ZMAT4: variants seen among roughly 807,000 people sequenced by gnomAD.
The protein encoded by ZMAT4 is zinc finger matrin-type protein 4.
Under a neutral mutation model 28.7 loss-of-function variants are expected in ZMAT4, and 17 were observed. The ratio of observed to expected loss-of-function variants is 0.59; its 90% CI spans 0.41 to 0.89. The LOEUF (loss-of-function observed/expected upper bound fraction) is 0.89. Among genes scored for constraint, ZMAT4 ranks in the 40% least tolerant of loss-of-function variants. The pLI, the probability that ZMAT4 is intolerant of heterozygous loss-of-function variation, is 0.00. For synonymous variants in ZMAT4, 117 were observed against 109.2 expected (o/e 1.07, Z -0.44); for missense variants, 240 against 283.8 (o/e 0.85, Z 1.11).
chr8:40,884,772 G>A (rs1158292371), intron 1 of ZMAT4: 7 of 152,216 alleles, frequency 4.6e-5, no homozygotes, highest in Non-Finnish European at 1.0e-4. Flanking sequence ...TGGATCCAAG[G>A]TCAGCAAACC....
At chr8:40,704,319 T>A (rs550381179) in intron 3 of ZMAT4, among the ~76,000 whole-genome samples, 1 of 152,188 alleles carries the variant, frequency 6.6e-6, no homozygotes, top group Non-Finnish European at 1.5e-5. Flanking sequence ...CTGGGTAACG[T>A]TATCTCCCAC....
intron 5 of ZMAT4, among the ~76,000 whole-genome samples, chr8:40,625,106 C>T (rs1048505774): frequency 6.6e-6 from 1 of 151,922 alleles, no homozygotes; most frequent in African/African-American, 2.4e-5. Context: ...ATATGAAGGC[C>T]CGGGGAAGAA....
At chr8:40,793,201 A>G (rs1814437529) in intron 2 of ZMAT4, among the ~76,000 whole-genome samples, 1 of 152,362 alleles carries the variant, frequency 6.6e-6, no homozygotes, top group East Asian at 1.9e-4. Context: ...AGGGGGGTAC[A>G]TGGGTACTTT....
At chr8:40,725,555 T>A (rs911895841) in intron 3 of ZMAT4, among the ~76,000 whole-genome samples, 2 of 152,208 alleles carry the variant, frequency 1.3e-5, no homozygotes, top group Non-Finnish European at 1.5e-5. Flanking sequence ...AAGATGCATG[T>A]GCTTTGCGGA....
intron 4 of ZMAT4, among the ~76,000 whole-genome samples, chr8:40,689,016 G>A (rs1339962597): frequency 1.3e-5 from 2 of 152,190 alleles, no homozygotes; most frequent in African/African-American, 2.4e-5. Context: ...AGGAAAAAAG[G>A]GAGTTGTAAC....
chr8:40,662,482 A>G (rs1448786364), intron 5 of ZMAT4, among the ~76,000 whole-genome samples: 6 of 152,192 alleles, frequency 3.9e-5, no homozygotes, highest in Admixed American at 2.6e-4. Context: ...AAATGGATGC[A>G]GTAGTGCAAA....
chr8:40,571,298 G>A (rs1804089667), intron 6 of ZMAT4, among the ~76,000 whole-genome samples: 1 of 6,272 alleles, frequency 1.6e-4, no homozygotes, highest in African/African-American at 2.0e-4. Flanking sequence ...AAGCATGCAA[G>A]TGCAACTTAG....
chr8:40,702,314 C>T (rs1810184114), intron 3 of ZMAT4, among the ~76,000 whole-genome samples: 1 of 152,184 alleles, frequency 6.6e-6, no homozygotes, highest in Non-Finnish European at 1.5e-5. Flanking sequence ...GGGGTAGAAA[C>T]TCCATACAGT....
chr8:40,859,955 G>A (rs971435065), intron 1 of ZMAT4, among the ~76,000 whole-genome samples: 1 of 152,180 alleles, frequency 6.6e-6, no homozygotes, highest in African/African-American at 2.4e-5. Flanking sequence ...TGAAGGAAGA[G>A]ATTGTTAACT....
chr8:40,671,497 C>T (rs1435758528), intron 5 of ZMAT4, among the ~76,000 whole-genome samples: 1 of 152,150 alleles, frequency 6.6e-6, no homozygotes, highest in Non-Finnish European at 1.5e-5. Flanking sequence ...AAAGGTACTA[C>T]TTTGCTTTAT....
chr8:40,847,840 C>T (rs1372048242), intron 1 of ZMAT4, among the ~76,000 whole-genome samples: 3 of 152,156 alleles, frequency 2.0e-5, no homozygotes, highest in African/African-American at 4.8e-5. Context: ...TTAATCAAAC[C>T]GATGTCTGCA....
At position 40,630,782 on chromosome 8, in the gene ZMAT4, G is replaced by A. The variant is rs1423096575; in HGVS notation, c.577+43922C>T. 2.6e-5 allele frequency among the ~76,000 whole-genome samples: 4 copies of A among 152,122 alleles called. No individual in the cohort carries two copies. In the East Asian group the frequency reaches 7.7e-4, roughly 29 times the overall value. The stretch of plus-strand genomic sequence containing the variant: ...TGGACTTTAGTTTCTAAAGTGTATT[G>A]CGTAGCCATTATAGGGTGGTACTGG... On this transcript the variant is annotated intron_variant, in intron 5 of 6. Coordinates refer to ENST00000297737, the MANE Select transcript of ZMAT4 (RefSeq NM_024645.3).
intron 5 of ZMAT4, among the ~76,000 whole-genome samples, chr8:40,635,866 C>T (rs1198164128): frequency 6.6e-6 from 1 of 152,134 alleles, no homozygotes; most frequent in African/African-American, 2.4e-5. Flanking sequence ...TTTAAAAGGA[C>T]AGCTTTTAAA....
At position 40,569,680 on chromosome 8, in the gene ZMAT4, G is replaced by A. The variant is rs189272991; in HGVS notation, c.674+11485C>T. On this transcript the variant is annotated intron_variant, in intron 6 of 6. Coordinates refer to ENST00000297737, the MANE Select transcript of ZMAT4 (RefSeq NM_024645.3). Reference sequence around the variant, plus strand: ...TTCTTCACTTTCTCCCTGTAAAACCGACTTTATCCCTTCTGCCCCAAGTCA... The same window carrying A: ...TTCTTCACTTTCTCCCTGTAAAACCAACTTTATCCCTTCTGCCCCAAGTCA... Among the ~76,000 whole-genome samples, 303 of 152,166 alleles carry A rather than the reference G, an allele frequency of 2.0e-3. 3 individuals carry two copies. Among genetic ancestry groups the A allele is most frequent in the African/African-American group, 6.8e-3 (283 of 41,514 alleles).
At chr8:40,761,954 T>C (rs1174644194) in intron 3 of ZMAT4, among the ~76,000 whole-genome samples, 2 of 152,228 alleles carry the variant, frequency 1.3e-5, no homozygotes, top group Non-Finnish European at 2.9e-5. Flanking sequence ...GTGAAACTCA[T>C]GCGTAGCAGA....
chr8:40,845,281 T>A (rs138038923), intron 1 of ZMAT4, among the ~76,000 whole-genome samples: 10 of 152,094 alleles, frequency 6.6e-5, no homozygotes, highest in East Asian at 1.9e-4. Context: ...AGAAAAAAAA[T>A]TTAGGCATCT....
At chr8:40,644,552 A>G (rs1479775252) in intron 5 of ZMAT4, among the ~76,000 whole-genome samples, 1 of 152,222 alleles carries the variant, frequency 6.6e-6, no homozygotes, top group Non-Finnish European at 1.5e-5. Context: ...AAATATATCC[A>G]TGAGTTTATT....
At chr8:40,803,199 C>T (rs960917050) in intron 2 of ZMAT4, among the ~76,000 whole-genome samples, 2 of 151,966 alleles carry the variant, frequency 1.3e-5, no homozygotes, top group Non-Finnish European at 2.9e-5. Flanking sequence ...TAGGCATGAT[C>T]TATAAAAGAA....
chr8:40,699,200 G>A (rs532091255), intron 3 of ZMAT4, among the ~76,000 whole-genome samples: 1 of 152,170 alleles, frequency 6.6e-6, no homozygotes, highest in Admixed American at 6.5e-5. Context: ...GCAAATCAGG[G>A]AGTTCCTGAA....
Sources: gnomAD v4.1 joint callset for allele counts (sites outside exome capture counted in the v4.1 genomes callset) on GRCh38, gnomAD v4.1.1 for gene constraint, MANE v1.5 for transcripts, NCBI Gene and HGNC (gene_info 2026-07-23, HGNC 2026-07-21) for gene names.